Variants in SDCCAG8 observed in about 807,000 individuals in gnomAD.
The protein encoded by SDCCAG8 is serologically defined colon cancer antigen 8.
SDCCAG8 carries 74 observed loss-of-function variants against 101.8 expected under a neutral mutation model. The observed-to-expected ratio is 0.73, with a 90% CI of 0.60 to 0.88. The LOEUF (loss-of-function observed/expected upper bound fraction) is 0.88, where lower values mean the gene tolerates loss of function less well. Among genes scored for constraint, SDCCAG8 ranks in the 40% least tolerant of loss-of-function variants. The pLI is 0.00. For missense variants in SDCCAG8, 787 were observed against 822.6 expected (o/e 0.96, Z 0.53); for synonymous variants, 281 against 292.9 (o/e 0.96, Z 0.41).
chr1:243,399,478 A>G (rs2079231354), intron 13 of SDCCAG8, among the ~76,000 whole-genome samples: 1 of 152,066 alleles, frequency 6.6e-6, no homozygotes, highest in African/African-American at 2.4e-5. Context: ...TACGAAGTTC[A>G]CTTCTTAGAA....
intron 6 of SDCCAG8, among the ~76,000 whole-genome samples, chr1:243,303,094 A>C (rs1323859679): frequency 6.6e-6 from 1 of 152,182 alleles, no homozygotes; most frequent in Admixed American, 6.6e-5. Context: ...GATCTTGGAG[A>C]AATTCGAGAG....
intron 16 of SDCCAG8, among the ~76,000 whole-genome samples, chr1:243,440,578 C>G (rs542089645): frequency 4.6e-5 from 7 of 152,254 alleles, no homozygotes; most frequent in Middle Eastern, 3.4e-3. Context: ...GGGGTTGGAG[C>G]TGTGTGTAAG....
At chr1:243,372,144 A>G (rs1226449123) in intron 12 of SDCCAG8, among the ~76,000 whole-genome samples, 1 of 152,122 alleles carries the variant, frequency 6.6e-6, no homozygotes, top group Non-Finnish European at 1.5e-5. Flanking sequence ...TTTCAGTATT[A>G]TATACTACCT....
intron 16 of SDCCAG8, among the ~76,000 whole-genome samples, chr1:243,470,007 A>T (rs1384681615): frequency 1.3e-5 from 2 of 152,036 alleles, no homozygotes; most frequent in Non-Finnish European, 2.9e-5. Flanking sequence ...CAAAAAAAAA[A>T]AAGTATAGCA....
chr1:243,472,120 T>C (rs1245833231), intron 16 of SDCCAG8, among the ~76,000 whole-genome samples: 1 of 152,194 alleles, frequency 6.6e-6, no homozygotes, highest in Non-Finnish European at 1.5e-5. Flanking sequence ...AGATCTTGTT[T>C]TGTTGATGTT....
intron 13 of SDCCAG8, among the ~76,000 whole-genome samples, chr1:243,392,011 C>T (rs966904905): frequency 2.6e-5 from 4 of 152,126 alleles, no homozygotes; most frequent in Admixed American, 1.3e-4. Flanking sequence ...GCTTGACAGT[C>T]GTCCTAGTTC....
rs1201454177 is a variant in SDCCAG8 at position 243,489,134 on chromosome 1, G to C, written c.2106G>C (p.Arg702=). The part of the protein sequence containing the change: ...QSLSEEVDRL[R]TQLPSMPQSD... Reference sequence around the variant, plus strand: ...TGTCGGAAGAGGTGGACCGGCTGCGGACCCAGGTACTGTGCAGAACGCGGC... The same window carrying C: ...TGTCGGAAGAGGTGGACCGGCTGCGCACCCAGGTACTGTGCAGAACGCGGC... The change falls in exon 17 of 18, where the codon CGG becomes CGC. Residue 702 remains arginine (R), a synonymous_variant. Transcript: ENST00000366541. 1.2e-6 allele frequency: 2 copies of C among 1,612,364 alleles called. No homozygotes were observed. The highest frequency in any genetic ancestry group is 1.7e-6 in the Non-Finnish European group (2 of 1,179,898).
intron 17 of SDCCAG8, among the ~76,000 whole-genome samples, chr1:243,497,712 G>A (rs1340611557): frequency 6.6e-6 from 1 of 152,172 alleles, no homozygotes; most frequent in East Asian, 1.9e-4. Context: ...CGCCTATTCT[G>A]TATTGTGTGT....
At chr1:243,400,278 A>G (rs1403102327) in intron 13 of SDCCAG8, among the ~76,000 whole-genome samples, 2 of 152,214 alleles carry the variant, frequency 1.3e-5, no homozygotes, top group African/African-American at 4.8e-5. Flanking sequence ...TTTCTATCAA[A>G]TCTCCACACA....
In SDCCAG8 at chr1:243,306,201, T is replaced by G. The variant is rs529887271; in HGVS notation, c.740+1424T>G. ...AGATTACCCTGATTAGTTTTAGGAT[T>G]TCTCTTAGAGATTTTTACTTTTTTA... is the stretch of plus-strand genomic sequence containing the variant. On this transcript the variant is annotated intron_variant, in intron 7 of 17. Coordinates refer to ENST00000366541, the MANE Select transcript of SDCCAG8 (RefSeq NM_006642.5). 21 of 152,206 alleles carry G rather than the reference T, an allele frequency of 1.4e-4. No homozygotes were observed. In the East Asian group the frequency reaches 4.0e-3, roughly 29 times the overall value. The allele number at this position is 152,206 out of a possible 1,614,324, so 9.4% of individuals were successfully genotyped here.
chr1:243,348,411 T>G (rs148114875), intron 12 of SDCCAG8, among the ~76,000 whole-genome samples: 2 of 151,882 alleles, frequency 1.3e-5, no homozygotes, highest in East Asian at 2.0e-4. Flanking sequence ...CACACTTGAC[T>G]CAATCCTCTC....
At chr1:243,383,066 C>A (rs993350870) in intron 13 of SDCCAG8, among the ~76,000 whole-genome samples, 2 of 152,076 alleles carry the variant, frequency 1.3e-5, no homozygotes, top group Admixed American at 1.3e-4. Flanking sequence ...TAAAGGTATT[C>A]ATTGTAGCTA....
chr1:243,286,914 C>T (rs753369239), intron 5 of SDCCAG8, among the ~76,000 whole-genome samples: 7 of 152,116 alleles, frequency 4.6e-5, no homozygotes, highest in Non-Finnish European at 8.8e-5. Flanking sequence ...CACGTATGTC[C>T]TTTATTTCTT....
intron 6 of SDCCAG8, among the ~76,000 whole-genome samples, chr1:243,294,482 G>GGGAGAGAGAGAGAGAAAGAGCGAGA (rs1259035129): frequency 1.0e-5 from 1 of 99,954 alleles, no homozygotes; most frequent in Non-Finnish European, 2.0e-5. Flanking sequence ...GTGGGGGGGG[G>GGGAGAGAGAGAGAGAAAGAGCGAGA]GAGAGAGAGA....
chr1:243,278,953 A>T (rs1018089398), intron 4 of SDCCAG8, among the ~76,000 whole-genome samples: 1 of 151,226 alleles, frequency 6.6e-6, no homozygotes, highest in African/African-American at 2.4e-5. Context: ...TGGCTATTTT[A>T]TTATTATTAT....
chr1:243,492,237 G>A (rs577993029), intron 17 of SDCCAG8, among the ~76,000 whole-genome samples: 10 of 150,590 alleles, frequency 6.6e-5, no homozygotes, highest in Admixed American at 1.3e-4. Flanking sequence ...GCTCCCCGGC[G>A]CTGTCTGCGG....
At position 243,308,173 on chromosome 1, in the gene SDCCAG8, G is replaced by T. The variant is rs149359674; in HGVS notation, c.925G>T (p.Val309Phe). 2 of 1,614,114 alleles carry T rather than the reference G, an allele frequency of 1.2e-6. No individual in the cohort carries two copies. Among genetic ancestry groups the T allele is most frequent in the South Asian group, 1.1e-5 (1 of 91,086 alleles). The change falls in exon 8 of 18, where the codon GTT becomes TTT. Residue 309 changes from valine to phenylalanine, a missense_variant. Val to Phe is a conservative substitution (Grantham distance 50, BLOSUM62 -1). Coordinates refer to ENST00000366541, the MANE Select transcript of SDCCAG8 (RefSeq NM_006642.5). ...NVHMQTIERL[V>F]KERDDLMSAL... ...TCATATGCAGACCATCGAAAGACTG[G>T]TTAAGTAAGTATGCTTCTACGCGCA...
intron 12 of SDCCAG8, 63 bp downstream of exon 12, chr1:243,344,394 G>C: frequency 1.8e-6 from 2 of 1,142,414 alleles, no homozygotes; most frequent in Non-Finnish European, 2.7e-6. Context: ...TTCTCAAGTT[G>C]ATGTTGTTTT....
At chr1:243,351,018 G>T (rs1013190396) in intron 12 of SDCCAG8, among the ~76,000 whole-genome samples, 1 of 152,184 alleles carries the variant, frequency 6.6e-6, no homozygotes, top group Non-Finnish European at 1.5e-5. Flanking sequence ...TCTCTGCTTT[G>T]TGTCTTTAAA....
Sources: allele counts gnomAD v4.1 joint callset (sites outside exome capture counted in the v4.1 genomes callset), GRCh38; gene constraint gnomAD v4.1.1; transcripts MANE v1.5; gene names NCBI Gene and HGNC (gene_info 2026-07-23, HGNC 2026-07-21).